The following PRSS23 variants were observed in gnomAD, a reference collection of about 807,000 sequenced individuals.
PRSS23 encodes the protein serine protease 23, also known as protease, serine 23.
A neutral mutation model predicts 34.7 loss-of-function variants in PRSS23; 25 were observed. The ratio of observed to expected loss-of-function variants is 0.72; its 90% CI spans 0.53 to 1.01. PRSS23 has a LOEUF of 1.01. Ranked by LOEUF, PRSS23 falls within the 50% of genes least tolerant of loss-of-function variation. The pLI, the probability that PRSS23 is intolerant of heterozygous loss-of-function variation, is 0.00. For missense variants in PRSS23, 445 were observed against 475.6 expected (o/e 0.94, Z 0.60); for synonymous variants, 176 against 186.6 (o/e 0.94, Z 0.46).
intron 2 of PRSS23, among the ~76,000 whole-genome samples, chr11:86,865,558 G>C (rs1299376715): frequency 6.6e-6 from 1 of 152,240 alleles, no homozygotes; most frequent in East Asian, 1.9e-4. Flanking sequence ...GGACAGGCAG[G>C]TAGAGCTGCA....
intron 2 of PRSS23, among the ~76,000 whole-genome samples, chr11:86,893,394 A>T (rs1948854275): frequency 6.6e-6 from 1 of 152,252 alleles, no homozygotes; most frequent in Admixed American, 6.5e-5. Flanking sequence ...GTTATGCACT[A>T]TGATAAATCC....
At chr11:86,807,519 G>A in intron 1 of PRSS23, 112 bp from the exon 2 acceptor site, 2 of 1,006,422 alleles carry the variant, frequency 2.0e-6, no homozygotes, top group Non-Finnish European at 2.9e-6. Context: ...TGATTCCTGA[G>A]GAGTGTTCAA....
At chr11:86,933,748 G>A (rs893010296) in intron 2 of PRSS23, 1 of 152,206 alleles carries the variant, frequency 6.6e-6, no homozygotes, top group Admixed American at 6.5e-5. Flanking sequence ...ATCTGAACCA[G>A]ATCTCATTCC....
At chr11:86,877,888 T>C (rs1948735784) in intron 2 of PRSS23, among the ~76,000 whole-genome samples, 1 of 150,840 alleles carries the variant, frequency 6.6e-6, no homozygotes, top group African/African-American at 2.4e-5. Flanking sequence ...GTGGGGGGTG[T>C]GCAGGTAGGA....
chr11:86,905,401 G>A (rs1948935673), intron 2 of PRSS23, among the ~76,000 whole-genome samples: 1 of 152,124 alleles, frequency 6.6e-6, no homozygotes, highest in Non-Finnish European at 1.5e-5. Context: ...TCTTCCTACG[G>A]CACATCATTG....
intron 2 of PRSS23, among the ~76,000 whole-genome samples, chr11:86,929,758 G>A (rs113299793): frequency 6.6e-4 from 101 of 152,270 alleles, no homozygotes; most frequent in African/African-American, 2.2e-3. Context: ...TTATCATTGC[G>A]GCATTGTTTA....
intron 2 of PRSS23, among the ~76,000 whole-genome samples, chr11:86,879,777 G>GT (rs1948758734): frequency 9.3e-6 from 1 of 107,118 alleles, no homozygotes; most frequent in Non-Finnish European, 2.0e-5. Flanking sequence ...GAGGTGGGGG[G>GT]GTCAGCCCCC....
At chr11:86,922,352 G>A (rs11234877) in intron 2 of PRSS23, among the ~76,000 whole-genome samples, 94,058 of 151,934 alleles carry the variant, frequency 0.62, 29,692 homozygotes, top group Non-Finnish European at 0.69. Flanking sequence ...TGGGCAAAAT[G>A]TGACCAGGTA....
intron 2 of PRSS23, chr11:86,951,107 C>A (rs780777696): frequency 2.5e-5 from 40 of 1,609,802 alleles, no homozygotes; most frequent in Non-Finnish European, 3.4e-5. Context: ...GCATTCCCCC[C>A]TTCAAAATGA....
chr11:86,804,917 A>C (rs970066163), intron 1 of PRSS23, among the ~76,000 whole-genome samples: 1 of 152,130 alleles, frequency 6.6e-6, no homozygotes, highest in South Asian at 2.1e-4. Context: ...ATACTACCTC[A>C]TCTCCTACTC....
intron 2 of PRSS23, among the ~76,000 whole-genome samples, chr11:86,891,087 C>T (rs1948838306): frequency 6.6e-6 from 1 of 152,178 alleles, no homozygotes; most frequent in Non-Finnish European, 1.5e-5. Flanking sequence ...CAACTCCTTC[C>T]ACTGTTCCAC....
At chr11:86,939,812 G>A (rs188859781) in intron 2 of PRSS23, among the ~76,000 whole-genome samples, 30 of 151,380 alleles carry the variant, frequency 2.0e-4, no homozygotes. Flanking sequence ...AAAAATGCTA[G>A]GAAGTGGTTC....
intron 2 of PRSS23, among the ~76,000 whole-genome samples, chr11:86,873,983 G>A (rs1948705795): frequency 6.6e-6 from 1 of 152,170 alleles, no homozygotes; most frequent in Non-Finnish European, 1.5e-5. Flanking sequence ...GATTAGAAGT[G>A]CAAGACATAG....
chr11:86,862,382 G>A (rs1406059713), intron 2 of PRSS23, among the ~76,000 whole-genome samples: 1 of 151,214 alleles, frequency 6.6e-6, no homozygotes, highest in South Asian at 2.1e-4. Flanking sequence ...GGATATTATT[G>A]GTAATATCCT....
chr11:86,927,584 C>T (rs1008478431), intron 2 of PRSS23, among the ~76,000 whole-genome samples: 11 of 152,142 alleles, frequency 7.2e-5, no homozygotes, highest in African/African-American at 2.4e-4. Flanking sequence ...TAAGCTCAAG[C>T]AGTCCTCCCA....
intron 2 of PRSS23, among the ~76,000 whole-genome samples, chr11:86,919,240 C>T (rs1251781400): frequency 6.6e-6 from 1 of 152,204 alleles, no homozygotes; most frequent in African/African-American, 2.4e-5. Flanking sequence ...TGCTGAGCAA[C>T]TTGGCTTCCT....
intron 1 of PRSS23, among the ~76,000 whole-genome samples, chr11:86,816,726 G>A (rs1352347493): frequency 6.6e-6 from 1 of 152,170 alleles, no homozygotes; most frequent in African/African-American, 2.4e-5. Context: ...TGAACACAGC[G>A]TTGGAATAGA....
At chr11:86,924,772 A>C (rs1949069523) in intron 2 of PRSS23, among the ~76,000 whole-genome samples, 1 of 152,224 alleles carries the variant, frequency 6.6e-6, no homozygotes, top group Non-Finnish European at 1.5e-5. Context: ...AGGGCTCCCC[A>C]AAACCTTTAG....
chr11:86,830,186 C>T lies in PRSS23; in HGVS notation c.206+6593C>T, dbSNP rs578224581. 7.6e-3 allele frequency among the ~76,000 whole-genome samples: 1,157 copies of T among 151,538 alleles called. 20 individuals are homozygous for T. Among genetic ancestry groups the T allele is most frequent in the African/African-American group, 0.027 (1,095 of 41,282 alleles). ...GCTGCTTTGTTTACCTAAGCAAGCC[C>T]GGGCAATGGTGGGCGCCCCTCCCCC... On this transcript the variant is annotated intron_variant, in intron 2 of 2. Coordinates refer to the PRSS23 transcript ENST00000533902.
Sources: allele counts gnomAD v4.1 joint callset (sites outside exome capture counted in the v4.1 genomes callset), GRCh38; gene constraint gnomAD v4.1.1; transcripts MANE v1.5; gene names NCBI Gene and HGNC (gene_info 2026-07-23, HGNC 2026-07-21).